PCDHGA4: variants seen among roughly 807,000 people sequenced by gnomAD.
PCDHGA4 encodes the protein protocadherin gamma subfamily A, 4.
PCDHGA4 carries 38 observed loss-of-function variants against 54.6 expected under a neutral mutation model. The observed-to-expected ratio is 0.70, with a 90% CI of 0.54 to 0.91. The LOEUF is 0.91. PCDHGA4 is among the 40% of genes least tolerant of loss of function. The probability of loss-of-function intolerance (pLI) is 0.00; values close to 1 mark genes in which losing one functional copy is unlikely to be tolerated. For missense variants in PCDHGA4, 1,298 were observed against 1,220.9 expected (o/e 1.06, Z -0.94); for synonymous variants, 511 against 512.9 (o/e 1.00, Z 0.05).
rs759809591 is a variant in PCDHGA4 at position 141,511,048 on chromosome 5, C to T, written c.2764C>T (p.Arg922Cys). The change falls in exon 4 of 4, where the codon CGC becomes TGC. Residue 922 changes from arginine (R) to cysteine (C), a missense_variant. Coordinates refer to ENST00000571252, the MANE Select transcript of PCDHGA4 (RefSeq NM_018917.4). ...QFTLQHVPDY[R>C]QNVYIPGSNA... ...CACCCTGCAGCACGTGCCCGACTAC[C>T]GCCAGAATGTCTACATCCCAGGCAG... 9 of 1,614,224 alleles carry T rather than the reference C, an allele frequency of 5.6e-6. No individual in the cohort carries two copies. The highest frequency in any genetic ancestry group is 1.7e-5 in the Admixed American group (1 of 60,034).
Position 141,356,783 on chromosome 5 carries a change from T to C in PCDHGA4, c.1676T>C (p.Leu559Pro). The C allele has an allele frequency of 6.2e-7, 1 of 1,613,990 alleles. No individual in the cohort carries two copies. The highest frequency in any genetic ancestry group is 8.5e-7 in the Non-Finnish European group (1 of 1,179,850). The change falls in exon 1 of 4, where the codon CTG (leucine) becomes CCG (proline). Residue 559 changes from leucine (L) to proline (P), a missense_variant. Leu to Pro is a moderately conservative substitution (Grantham distance 98, BLOSUM62 -3). Transcript: ENST00000571252. ...TTCGACTATGAGCAGTTTAGAGACC[T>C]GCAGCTGCTGATGACAGCCAGTGAC... ...CSFDYEQFRD[L>P]QLLMTASDSG...
chr5:141,415,056 G>T, intron 1 of PCDHGA4: 1 of 1,613,416 alleles, frequency 6.2e-7, no homozygotes. Context: ...GGGAGCACAC[G>T]GGCGAGGTGC....
chr5:141,477,536 G>T lies in PCDHGA4; in HGVS notation c.2515-17271G>T. 1.2e-6 allele frequency: 2 copies of T among 1,614,076 alleles called. No homozygotes were observed. Among genetic ancestry groups the T allele is most frequent in the Non-Finnish European group, 1.7e-6 (2 of 1,180,018 alleles). ...CATTGAAGAAAACAACCTCCCCGGG[G>T]CTCCAATACTAAACCTAAGTGTCTG... On this transcript the variant is annotated intron_variant, in intron 1 of 3. Coordinates refer to ENST00000571252, the MANE Select transcript of PCDHGA4 (RefSeq NM_018917.4). The surrounding 1 kb of genome is among the most constrained non-coding windows in gnomAD (Gnocchi z 4.9).
At position 141,505,403 on chromosome 5, in the gene PCDHGA4, G is replaced by A; in HGVS notation, c.2584G>A (p.Gly862Ser). The A allele has an allele frequency of 6.2e-7, 1 of 1,614,186 alleles. No individual in the cohort carries two copies. The highest frequency in any genetic ancestry group is 8.5e-7 in the Non-Finnish European group (1 of 1,180,038). ...QRPGTSGSQN[G>S]DDTGTWPNNQ... ...CTACTCTCTCCCCAGCTCCCAAAAT[G>A]GCGATGACACCGGCACCTGGCCCAA... Residue 862 changes from glycine (G) to serine (S), a missense_variant, in exon 3 of 4, where the codon GGC (glycine) becomes AGC (serine). Coordinates refer to ENST00000571252, the MANE Select transcript of PCDHGA4 (RefSeq NM_018917.4).
chr5:141,394,652 G>T (rs1589237070), intron 1 of PCDHGA4: 1 of 1,613,422 alleles, frequency 6.2e-7, no homozygotes, highest in Non-Finnish European at 8.5e-7. Flanking sequence ...AGGCCAGCGA[G>T]CCGGGACTCT....
chr5:141,407,924 C>T, intron 1 of PCDHGA4: 2 of 482,212 alleles, frequency 4.1e-6, no homozygotes, highest in Non-Finnish European at 3.6e-6. Flanking sequence ...CTGTCCCGCA[C>T]GGAGCCTCTG....
intron 1 of PCDHGA4, among the ~76,000 whole-genome samples, chr5:141,380,002 C>T (rs1238165554): frequency 6.9e-6 from 1 of 143,940 alleles, no homozygotes; most frequent in African/African-American, 2.6e-5. Flanking sequence ...TGGGTTCAAG[C>T]GATTCTCCTG....
At chr5:141,421,999 T>C in intron 1 of PCDHGA4, 1 of 1,609,214 alleles carries the variant, frequency 6.2e-7, no homozygotes, top group Non-Finnish European at 8.5e-7. Context: ...AAACATCAGC[T>C]CCGGAACTCG....
At chr5:141,478,412 TC>T in intron 1 of PCDHGA4, 2 of 1,611,958 alleles carry the variant, frequency 1.2e-6, no homozygotes, top group Non-Finnish European at 1.7e-6. Flanking sequence ...CACCACGGAC[TC>T]CCGCCGCAGC....
chr5:141,370,376 C>T, intron 1 of PCDHGA4: 1 of 1,527,960 alleles, frequency 6.5e-7, no homozygotes, highest in Non-Finnish European at 8.8e-7. Flanking sequence ...TTTAGAAAGG[C>T]AAAGGCGCAG....
intron 1 of PCDHGA4, among the ~76,000 whole-genome samples, chr5:141,457,465 A>G (rs915755113): frequency 1.3e-5 from 2 of 152,194 alleles, no homozygotes; most frequent in African/African-American, 2.4e-5. Context: ...GATTCACAGG[A>G]ATAAGCAGGG....
chr5:141,445,303 G>A (rs145466142), intron 1 of PCDHGA4, among the ~76,000 whole-genome samples: 327 of 152,332 alleles, frequency 2.1e-3, no homozygotes, highest in African/African-American at 7.6e-3. Context: ...ATTCTCTTCA[G>A]TTTGTAGGTT....
At chr5:141,509,670 T>G (rs2099877782) in intron 3 of PCDHGA4, among the ~76,000 whole-genome samples, 1 of 152,136 alleles carries the variant, frequency 6.6e-6, no homozygotes, top group African/African-American at 2.4e-5. Flanking sequence ...TGGGCCCCAG[T>G]TTCTTCTTCT....
chr5:141,362,293 A>G lies in PCDHGA4; in HGVS notation c.2514+4672A>G, dbSNP rs1303338188. On this transcript the variant is annotated intron_variant, in intron 1 of 3. Coordinates refer to ENST00000571252, the MANE Select transcript of PCDHGA4 (RefSeq NM_018917.4). ...CTCCCTGCGCCTGCGACTCTCTTCC[A>G]GGTCAGATGCTTGGGACTGTTTTCA... The G allele has an allele frequency of 2.5e-6, 4 of 1,614,028 alleles. No individual in the cohort carries two copies. The South Asian group carries it at 3.3e-5, about 13-fold the overall frequency.
At chr5:141,406,198 C>T (rs1363174713) in intron 1 of PCDHGA4, among the ~76,000 whole-genome samples, 1 of 151,806 alleles carries the variant, frequency 6.6e-6, no homozygotes, top group African/African-American at 2.4e-5. Context: ...TCAGCCTTCA[C>T]AGTAGCTAGG....
At position 141,487,570 on chromosome 5, in the gene PCDHGA4, T is replaced by A; in HGVS notation, c.2515-7237T>A. 6.2e-7 allele frequency: 1 copy of A among 1,614,178 alleles called. No homozygotes were observed. On this transcript the variant is annotated intron_variant, in intron 1 of 3. Transcript: ENST00000571252. The surrounding 1 kb of genome is among the most constrained non-coding windows in gnomAD (Gnocchi z 5.0). ...CCAGTGCACCTATGGCAGGGGAGCCTGTTCGCCCAAGCTGCCCACCCTCTG... is the reference window on the plus strand; with the variant it reads ...CCAGTGCACCTATGGCAGGGGAGCCAGTTCGCCCAAGCTGCCCACCCTCTG...
At chr5:141,387,739 C>T (rs182945836) in intron 1 of PCDHGA4, 1 of 1,328,598 alleles carries the variant, frequency 7.5e-7, no homozygotes, top group East Asian at 2.5e-5. Context: ...AGCCTTTACA[C>T]CGCTTCCTCC....
At position 141,423,457 on chromosome 5, in the gene PCDHGA4, G is replaced by A. The variant is rs148481587; in HGVS notation, c.2514+65836G>A. 6.9e-5 allele frequency: 111 copies of A among 1,614,010 alleles called. 2 individuals carry two copies. The South Asian group carries it at 9.3e-4, about 14-fold the overall frequency. ...TATGCCCACGTCACATTTTGTAGGC[G>A]TGGACGGGGTACAGGCTTTCCTGCA... On this transcript the variant is annotated intron_variant, in intron 1 of 3. Coordinates refer to ENST00000571252, the MANE Select transcript of PCDHGA4 (RefSeq NM_018917.4).
intron 1 of PCDHGA4, chr5:141,422,218 A>T: frequency 1.3e-6 from 2 of 1,564,130 alleles, no homozygotes; most frequent in Non-Finnish European, 8.6e-7. Flanking sequence ...TCTCTTTACC[A>T]CCACGACGAT....
Sources: gnomAD v4.1 joint callset for allele counts (sites outside exome capture counted in the v4.1 genomes callset) on GRCh38, gnomAD v4.1.1 for gene constraint, Gnocchi (gnomAD v3.1) non-coding constraint, MANE v1.5 for transcripts, NCBI Gene and HGNC (gene_info 2026-07-23, HGNC 2026-07-21) for gene names.